Variants in MMP15 observed in about 807,000 individuals in gnomAD.
MMP15 encodes matrix metalloproteinase-15.
MMP15 carries 36 observed loss-of-function variants against 65.0 expected under a neutral mutation model. The ratio of observed to expected loss-of-function variants is 0.55; its 90% CI spans 0.42 to 0.73. The LOEUF (loss-of-function observed/expected upper bound fraction) is 0.73. MMP15 is among the 30% of genes least tolerant of loss of function. MMP15 has a pLI of 0.00. For missense variants in MMP15, 870 were observed against 987.8 expected (o/e 0.88, Z 1.60); for synonymous variants, 428 against 410.2 (o/e 1.04, Z -0.52).
At chr16:58,036,211 C>T (rs528891837) in intron 1 of MMP15, among the ~76,000 whole-genome samples, 13 of 152,316 alleles carry the variant, frequency 8.5e-5, no homozygotes, top group African/African-American at 2.9e-4. Flanking sequence ...AGGGCAGCCC[C>T]TGGCCTCTGC....
chr16:58,045,466 ACGGTGCT>A lies in MMP15; in HGVS notation c.*22_*28del. 6.7e-7 allele frequency: 1 copy of A among 1,492,274 alleles called. No homozygotes were observed. The highest frequency in any genetic ancestry group is 1.4e-5 in the African/African-American group (1 of 72,330). 92.4% of individuals were successfully genotyped at this position (1,492,274 alleles called of 1,614,324 possible). The stretch of plus-strand genomic sequence containing the variant: ...GTCTGACCACCCAGCGCTCCTGCTA[ACGGTGCT>A]CAGGGGGCGCCTGTGGTTCTGAGAT... On this transcript the variant is annotated 3_prime_UTR_variant, in exon 10 of 10. Coordinates refer to ENST00000219271, the MANE Select transcript of MMP15 (RefSeq NM_002428.4).
chr16:58,044,684 G>A (rs1354001416), intron 9 of MMP15, among the ~76,000 whole-genome samples: 1 of 152,198 alleles, frequency 6.6e-6, no homozygotes, highest in African/African-American at 2.4e-5. Flanking sequence ...CCTCTGTGGT[G>A]TGAGGTGAAG....
rs918177464 is a variant in MMP15, at chr16:58,045,249, G to A, written c.1813G>A (p.Val605Ile). 1.9e-6 allele frequency: 3 copies of A among 1,607,414 alleles called. No individual in the cohort carries two copies. In the African/African-American group the frequency reaches 4.0e-5, roughly 21 times the overall value. The change falls in exon 10 of 10, where the codon GTC becomes ATC. Residue 605 changes from valine (V) to isoleucine (I), a missense_variant. Transcript: ENST00000219271. ...GDGDGDFGAG[V>I]NKDGGSRVVV... ...TGGGGATGGGGACTTTGGGGCCGGGGTCAACAAGGACGGGGGCAGCCGCGT... is the reference window on the plus strand; with the variant it reads ...TGGGGATGGGGACTTTGGGGCCGGGATCAACAAGGACGGGGGCAGCCGCGT...
rs537941392 is a variant in MMP15, at chr16:58,037,626, T to A, written c.311+6T>A. ...CTCGACGAAGAGACCAAGGAGTGAG[T>A]TCCCCCCACCATCCACACCCCACAG... On this transcript the variant is annotated splice_donor_region_variant and intron_variant, in intron 2 of 9. Coordinates refer to ENST00000219271, the MANE Select transcript of MMP15 (RefSeq NM_002428.4). 1.2e-6 allele frequency: 2 copies of A among 1,613,716 alleles called. No individual in the cohort carries two copies. The highest frequency in any genetic ancestry group is 1.3e-5 in the African/African-American group (1 of 74,908).
At chr16:58,033,451 G>A (rs552911002) in intron 1 of MMP15, among the ~76,000 whole-genome samples, 1 of 152,348 alleles carries the variant, frequency 6.6e-6, no homozygotes, top group South Asian at 2.1e-4. Flanking sequence ...AGTGGGGGCT[G>A]GAATGGGTGG....
chr16:58,027,853 C>A (rs1963844998), intron 1 of MMP15, among the ~76,000 whole-genome samples: 1 of 151,762 alleles, frequency 6.6e-6, no homozygotes. Flanking sequence ...CCGACCCAGT[C>A]TGGCCACCCT....
intron 1 of MMP15, among the ~76,000 whole-genome samples, chr16:58,031,650 G>A (rs938612399): frequency 6.6e-6 from 1 of 152,058 alleles, no homozygotes; most frequent in African/African-American, 2.4e-5. Context: ...ACCTCAAGAC[G>A]TCTTCCTCCT....
Position 58,045,385 on chromosome 16 carries a change from A to C in MMP15, c.1949A>C (p.Gln650Pro). Residue 650 changes from glutamine (Q) to proline (P), a missense_variant, in exon 10 of 10, where the codon CAG becomes CCG. Physicochemically the swap from Gln to Pro is moderately conservative, Grantham distance 76. Coordinates refer to ENST00000219271, the MANE Select transcript of MMP15 (RefSeq NM_002428.4). ...CTCACCTACGCGCTGGTGCAGATGC[A>C]GCGCAAGGGTGCGCCACGTGTCCTG... ...LGLTYALVQM[Q>P]RKGAPRVLLY... 12 of 1,587,014 alleles carry C rather than the reference A, an allele frequency of 7.6e-6. No individual in the cohort carries two copies. The highest frequency in any genetic ancestry group is 1.0e-5 in the Non-Finnish European group (12 of 1,169,076).
rs41348150 is a variant in MMP15 at position 58,036,524 on chromosome 16, G to T, written c.163-948G>T. On this transcript the variant is annotated intron_variant, in intron 1 of 9. Coordinates refer to ENST00000219271, the MANE Select transcript of MMP15 (RefSeq NM_002428.4). ...GAGAAGACTTGCCAAGCAAGCCCTA[G>T]AAAGGGAAGGGCACACCCATTGTGT... Among the ~76,000 whole-genome samples, 1,359 of 152,334 alleles carry T rather than the reference G, an allele frequency of 8.9e-3. 27 individuals carry two copies. Among genetic ancestry groups the T allele is most frequent in the African/African-American group, 0.031 (1,295 of 41,574 alleles).
At chr16:58,027,891 G>A (rs1004817568) in intron 1 of MMP15, among the ~76,000 whole-genome samples, 2 of 151,988 alleles carry the variant, frequency 1.3e-5, no homozygotes, top group African/African-American at 4.8e-5. Flanking sequence ...CAGGCAGGAG[G>A]AGCTTTAGGG....
chr16:58,045,789 A>C lies in MMP15; in HGVS notation c.*343A>C. ...GAAGAGCAGCACCTCCTCAGCCTGA[A>C]CCCCAGGGCTGTAACTGCCAGGCTC... On this transcript the variant is annotated 3_prime_UTR_variant, in exon 10 of 10. Coordinates refer to ENST00000219271, the MANE Select transcript of MMP15 (RefSeq NM_002428.4). 3.6e-6 allele frequency: 1 copy of C among 276,144 alleles called. No homozygotes were observed. Among genetic ancestry groups the C allele is most frequent in the Non-Finnish European group, 6.8e-6 (1 of 147,358 alleles). The allele number at this position is 276,144 out of a possible 1,614,324, so 17.1% of individuals were successfully genotyped here.
In MMP15 at chr16:58,045,097, G is replaced by C. The variant is rs749280786; in HGVS notation, c.1661G>C (p.Arg554Pro). 1.2e-5 allele frequency: 20 copies of C among 1,611,226 alleles called. No homozygotes were observed. The highest frequency in any genetic ancestry group is 2.7e-5 in the African/African-American group (2 of 74,996). ...CCCGGCTACCCCAAGTCCATCCTGCGGGACTTCATGGGCTGCCAGGAGCAC... is the reference window on the plus strand; with the variant it reads ...CCCGGCTACCCCAAGTCCATCCTGCCGGACTTCATGGGCTGCCAGGAGCAC... Reference protein sequence around the residue: ...MEPGYPKSILRDFMGCQEHVE... With the variant: ...MEPGYPKSILPDFMGCQEHVE... Residue 554 changes from arginine to proline, a missense_variant, in exon 10 of 10, where the codon CGG becomes CCG. By Grantham distance (103) the Arg-to-Pro change is moderately radical (BLOSUM62 -2). Coordinates refer to ENST00000219271, the MANE Select transcript of MMP15 (RefSeq NM_002428.4).
chr16:58,034,670 G>A (rs1959294830), intron 1 of MMP15, among the ~76,000 whole-genome samples: 1 of 152,180 alleles, frequency 6.6e-6, no homozygotes, highest in South Asian at 2.1e-4. Context: ...CCCAAGGGGT[G>A]CCCCCATCCT....
chr16:58,030,261 G>A (rs950170909), intron 1 of MMP15, among the ~76,000 whole-genome samples: 2 of 152,158 alleles, frequency 1.3e-5, no homozygotes, highest in Admixed American at 1.3e-4. Context: ...TGTGAGGACC[G>A]GGACCCTGAA....
In MMP15 at chr16:58,042,279, C is replaced by CCCAT; in HGVS notation, c.1214_1217dup (p.Met406IlefsTer14). On this transcript the variant is annotated frameshift_variant, in exon 7 of 10. Coordinates refer to ENST00000219271, the MANE Select transcript of MMP15 (RefSeq NM_002428.4). LOFTEE classifies it high-confidence loss of function. ...GCACAACCGCGTCCTGGACAACTATCCCATGCCCATCGGGCACTTCTGGCG... is the reference window on the plus strand; with the variant it reads ...GCACAACCGCGTCCTGGACAACTATCCCATCCATGCCCATCGGGCACTTCTGGCG... The CCCAT allele has an allele frequency of 6.2e-7, 1 of 1,614,228 alleles. No individual in the cohort carries two copies. Among genetic ancestry groups the CCCAT allele is most frequent in the Non-Finnish European group, 8.5e-7 (1 of 1,180,038 alleles).
At chr16:58,043,747 T>G in intron 9 of MMP15, 120 bp downstream of exon 9, 1 of 684,768 alleles carries the variant, frequency 1.5e-6, no homozygotes, top group Non-Finnish European at 2.4e-6. Context: ...TGACAAGCTG[T>G]GTCACGCTCT....
rs780493873 is a variant in MMP15, at chr16:58,039,939, C to T, written c.505C>T (p.Arg169Cys). ...HSMEAVRRAF[R>C]VWEQATPLVF... is the part of the protein sequence containing the mutation. Reference sequence around the variant, plus strand: ...GATGGAGGCGGTGCGCAGGGCCTTCCGCGTGTGGGAGCAGGCCACGCCCCT... The same window carrying T: ...GATGGAGGCGGTGCGCAGGGCCTTCTGCGTGTGGGAGCAGGCCACGCCCCT... Residue 169 changes from arginine (R) to cysteine (C), a missense_variant, in exon 4 of 10, where the codon CGC becomes TGC. Transcript: ENST00000219271. 82 of 1,613,198 alleles carry T rather than the reference C, an allele frequency of 5.1e-5. No individual in the cohort carries two copies. The highest frequency in any genetic ancestry group is 1.8e-4 in the East Asian group (8 of 44,876).
At chr16:58,040,763 G>C (rs1015763489) in intron 5 of MMP15, 65 bp downstream of exon 5, 20 of 1,604,454 alleles carry the variant, frequency 1.2e-5, no homozygotes, top group Non-Finnish European at 1.7e-5. Flanking sequence ...TGAGGAGTAG[G>C]CATTGCTGCC....
At chr16:58,039,608 C>T (rs1245518324) in intron 3 of MMP15, among the ~76,000 whole-genome samples, 1 of 152,344 alleles carries the variant, frequency 6.6e-6, no homozygotes, top group East Asian at 1.9e-4. Context: ...AGGTCTTTCC[C>T]CCAGCCACAT....
Sources: allele counts gnomAD v4.1 joint callset (sites outside exome capture counted in the v4.1 genomes callset), GRCh38; gene constraint gnomAD v4.1.1; transcripts MANE v1.5; gene names NCBI Gene and HGNC (gene_info 2026-07-23, HGNC 2026-07-21).